The following TXNRD2 variants were observed in gnomAD, a reference collection of about 807,000 sequenced individuals.
TXNRD2 encodes the protein thioredoxin reductase 2, mitochondrial.
In TXNRD2, 67 loss-of-function variants were observed where a neutral mutation model predicts 70.8. The ratio of observed to expected loss-of-function variants is 0.95; its 90% CI spans 0.78 to 1.16. TXNRD2 has a LOEUF of 1.16. Among genes scored for constraint, TXNRD2 ranks in the 50% most tolerant of loss-of-function variants. The pLI is 0.00. For synonymous variants in TXNRD2, 301 were observed against 295.8 expected, an observed-to-expected ratio of 1.02 and a Z score of -0.18; for missense variants, 644 against 719.9, an observed-to-expected ratio of 0.89 and a Z score of 1.21.
chr22:19,941,226 A>G (rs1601499354), intron 1 of TXNRD2, among the ~76,000 whole-genome samples: 1 of 152,128 alleles, frequency 6.6e-6, no homozygotes, highest in Middle Eastern at 3.2e-3. Context: ...TCGAGTGCTC[A>G]GTTATGATTA....
chr22:19,915,881 G>A (rs370131802), intron 5 of TXNRD2, 38 bp from the exon 6 acceptor site: 16 of 1,581,418 alleles, frequency 1.0e-5, no homozygotes, highest in Non-Finnish European at 1.4e-5. Flanking sequence ...CACTTCCTCT[G>A]CAAATTAAAC....
chr22:19,922,464 T>C (rs748461658), intron 2 of TXNRD2, among the ~76,000 whole-genome samples: 2 of 152,188 alleles, frequency 1.3e-5, no homozygotes, highest in Non-Finnish European at 2.9e-5. Flanking sequence ...AAATGGTTTG[T>C]TGAAGAAATT....
intron 11 of TXNRD2, among the ~76,000 whole-genome samples, chr22:19,888,906 G>A (rs1474071349): frequency 7.2e-6 from 1 of 139,804 alleles, no homozygotes; most frequent in African/African-American, 2.6e-5. Flanking sequence ...TTCTGGAATC[G>A]CACCTTCTCA....
In TXNRD2 at chr22:19,895,501, C is replaced by T; in HGVS notation, c.855G>A (p.Arg285=). The part of the protein sequence containing the change: ...FLRGCAPSRV[R]RLPDGQLQVT... ...CCTGCAGCTGGCCATCAGGGAGCCT[C>T]CTGACCCGCGAGGGGGCACAGCCCC... Residue 285 remains arginine, a synonymous_variant, in exon 11 of 18, where the codon AGG becomes AGA. Coordinates refer to ENST00000400521, the MANE Select transcript of TXNRD2 (RefSeq NM_006440.5). 7 of 1,613,968 alleles carry T rather than the reference C, an allele frequency of 4.3e-6. No homozygotes were observed. Among genetic ancestry groups the T allele is most frequent in the Non-Finnish European group, 5.9e-6 (7 of 1,180,030 alleles).
At chr22:19,913,129 C>T (rs1362623584) in intron 7 of TXNRD2, among the ~76,000 whole-genome samples, 1 of 152,182 alleles carries the variant, frequency 6.6e-6, no homozygotes, top group Admixed American at 6.5e-5. Context: ...AACCCCTCAC[C>T]CCGGGGCCCC....
intron 2 of TXNRD2, among the ~76,000 whole-genome samples, chr22:19,921,077 A>C (rs1940892067): frequency 6.7e-6 from 1 of 150,354 alleles, no homozygotes; most frequent in South Asian, 2.1e-4. Flanking sequence ...ACTGTACTCC[A>C]GACTGGGTGA....
At chr22:19,903,615 T>C in intron 8 of TXNRD2, among the ~76,000 whole-genome samples, 1 of 152,206 alleles carries the variant, frequency 6.6e-6, no homozygotes, top group East Asian at 1.9e-4. Context: ...ATTGTGCGGC[T>C]GTGGGACTGG....
At chr22:19,901,023 T>C (rs1300012024) in intron 8 of TXNRD2, among the ~76,000 whole-genome samples, 1 of 152,178 alleles carries the variant, frequency 6.6e-6, no homozygotes, top group Non-Finnish European at 1.5e-5. Flanking sequence ...CCAACCCTTC[T>C]CCAGGAATGG....
At chr22:19,909,775 CACACACA>C in intron 8 of TXNRD2, among the ~76,000 whole-genome samples, 1 of 128,476 alleles carries the variant, frequency 7.8e-6, no homozygotes, top group Non-Finnish European at 1.7e-5. Context: ...ACACACACAC[CACACACA>C]CCACACACAC....
intron 2 of TXNRD2, among the ~76,000 whole-genome samples, chr22:19,923,174 T>C (rs1275627099): frequency 6.6e-6 from 1 of 152,180 alleles, no homozygotes; most frequent in African/African-American, 2.4e-5. Context: ...TTGGAAATGT[T>C]TTCCTATAAC....
At chr22:19,916,389 G>A in intron 5 of TXNRD2, 1 of 165,286 alleles carries the variant, frequency 6.1e-6, no homozygotes, top group Non-Finnish European at 1.3e-5. Context: ...GAGTTCAGTG[G>A]CACGATCTTG....
intron 2 of TXNRD2, among the ~76,000 whole-genome samples, chr22:19,928,477 A>T (rs1309359669): frequency 2.0e-5 from 3 of 152,236 alleles, no homozygotes; most frequent in African/African-American, 7.2e-5. Context: ...GAGGAAGATG[A>T]CATACAGCAG....
chr22:19,922,039 A>G (rs1454010908), intron 2 of TXNRD2, among the ~76,000 whole-genome samples: 1 of 152,208 alleles, frequency 6.6e-6, no homozygotes, highest in Admixed American at 6.5e-5. Context: ...ACAGAGCTCA[A>G]TAATAGTATT....
At chr22:19,912,961 G>A (rs537296061) in intron 7 of TXNRD2, among the ~76,000 whole-genome samples, 10 of 152,334 alleles carry the variant, frequency 6.6e-5, no homozygotes, top group Non-Finnish European at 1.3e-4. Flanking sequence ...TGGCCTCCAG[G>A]CCGAGAGAGC....
chr22:19,881,406 C>T (rs879127252), intron 12 of TXNRD2: 19 of 243,074 alleles, frequency 7.8e-5, no homozygotes, highest in Admixed American at 4.5e-4. Flanking sequence ...TCCCGGCGGG[C>T]GGCGCACAGC....
chr22:19,899,016 C>A (rs771129473), intron 9 of TXNRD2, 33 bp downstream of exon 9: 2 of 1,604,598 alleles, frequency 1.2e-6, no homozygotes, highest in South Asian at 2.2e-5. Context: ...GTCCAGTTCC[C>A]AGGACGGCCA....
chr22:19,885,118 T>C (rs894706510), intron 11 of TXNRD2, among the ~76,000 whole-genome samples: 1 of 152,144 alleles, frequency 6.6e-6, no homozygotes, highest in Admixed American at 6.5e-5. Context: ...GGCCTCTTCA[T>C]AGCCGAACAG....
chr22:19,877,032 C>G lies in TXNRD2; in HGVS notation c.*65+8G>C. Reference sequence around the variant, plus strand: ...TGTCCTCAAACAGAGCCAGCCCCACCTGCATACCTGGGTCTGGCCTCCGAG... The same window carrying G: ...TGTCCTCAAACAGAGCCAGCCCCACGTGCATACCTGGGTCTGGCCTCCGAG... On this transcript the variant is annotated splice_region_variant and intron_variant, in intron 17 of 17. Transcript: ENST00000400521. 1 of 1,529,216 alleles carries G rather than the reference C, an allele frequency of 6.5e-7. No individual in the cohort carries two copies. The highest frequency in any genetic ancestry group is 8.9e-7 in the Non-Finnish European group (1 of 1,128,372). 94.7% of individuals were successfully genotyped at this position (1,529,216 alleles called of 1,614,324 possible). A position where few individuals can be genotyped will look rare whatever the true frequency, so the allele number is the denominator to read the frequency against.
At chr22:19,909,087 T>A (rs910710687) in intron 8 of TXNRD2, among the ~76,000 whole-genome samples, 4 of 150,974 alleles carry the variant, frequency 2.6e-5, no homozygotes, top group African/African-American at 9.8e-5. Flanking sequence ...ACACCTGTAG[T>A]CCCGGCTACT....
Sources: allele counts gnomAD v4.1 joint callset (sites outside exome capture counted in the v4.1 genomes callset), GRCh38; gene constraint gnomAD v4.1.1; transcripts MANE v1.5; gene names NCBI Gene and HGNC (gene_info 2026-07-23, HGNC 2026-07-21).